HECW1: variants seen among roughly 807,000 people sequenced by gnomAD.
HECW1 encodes E3 ubiquitin-protein ligase HECW1.
In HECW1, 61 loss-of-function variants were observed where a neutral mutation model predicts 182.3. That is an observed-to-expected ratio of 0.33 (90% confidence interval 0.27 to 0.41). HECW1 has a LOEUF of 0.41. Ranked by LOEUF, HECW1 falls within the 10% of genes least tolerant of loss-of-function variation. The pLI, the probability that HECW1 is intolerant of heterozygous loss-of-function variation, is 1.00. For synonymous variants in HECW1, 859 were observed against 832.6 expected (o/e 1.03, Z -0.55); for missense variants, 1,739 against 2,108.9 (o/e 0.82, Z 3.44).
intron 2 of HECW1, among the ~76,000 whole-genome samples, chr7:43,193,539 G>T (rs773702909): frequency 6.6e-6 from 1 of 151,970 alleles, no homozygotes; most frequent in African/African-American, 2.4e-5. Flanking sequence ...CCACCACCAC[G>T]CCCAGCTAAT....
intron 2 of HECW1, among the ~76,000 whole-genome samples, chr7:43,132,681 C>CTTT (rs1787088089): frequency 6.6e-6 from 1 of 152,068 alleles, no homozygotes; most frequent in Non-Finnish European, 1.5e-5. Context: ...CAGTGAGTGC[C>CTTT]TTTTATGTTA....
In HECW1 at chr7:43,114,390, C is replaced by G; in HGVS notation, c.-33C>G. On this transcript the variant is annotated splice_region_variant and 5_prime_UTR_variant, in exon 2 of 30. Coordinates refer to ENST00000395891, the MANE Select transcript of HECW1 (RefSeq NM_015052.5). Reference sequence around the variant, plus strand: ...AGACTCACTCCGGCTGTGGCTATTACGGTAATTCATTCTAGATTGGGGATT... The same window carrying G: ...AGACTCACTCCGGCTGTGGCTATTAGGGTAATTCATTCTAGATTGGGGATT... 1 of 1,344,906 alleles carries G rather than the reference C, an allele frequency of 7.4e-7. No individual in the cohort carries two copies. The highest frequency in any genetic ancestry group is 9.8e-7 in the Non-Finnish European group (1 of 1,022,650). 83.3% of individuals were successfully genotyped at this position (1,344,906 alleles called of 1,614,324 possible). A position where few individuals can be genotyped will look rare whatever the true frequency, so the allele number is the denominator to read the frequency against.
At chr7:43,209,297 C>T (rs1795784857) in intron 2 of HECW1, among the ~76,000 whole-genome samples, 1 of 152,148 alleles carries the variant, frequency 6.6e-6, no homozygotes, top group Non-Finnish European at 1.5e-5. Context: ...CCTGTTGCTC[C>T]TGCTGATCAG....
intron 8 of HECW1, among the ~76,000 whole-genome samples, chr7:43,425,882 C>T (rs775214227): frequency 2.6e-5 from 4 of 152,086 alleles, no homozygotes; most frequent in East Asian, 1.9e-4. Flanking sequence ...CATGAGTTTT[C>T]GTAGGGATAT....
intron 2 of HECW1, among the ~76,000 whole-genome samples, chr7:43,145,226 T>G (rs374478915): frequency 6.6e-6 from 1 of 152,332 alleles, no homozygotes; most frequent in Non-Finnish European, 1.5e-5. Context: ...GTAGTCTGCA[T>G]GGCCCCTTAA....
intron 2 of HECW1, among the ~76,000 whole-genome samples, chr7:43,181,532 A>G (rs1792857937): frequency 6.6e-6 from 1 of 150,886 alleles, no homozygotes; most frequent in African/African-American, 2.5e-5. Flanking sequence ...GATAATAGCC[A>G]TTCTAACTGG....
At chr7:43,138,965 G>T (rs1331750562) in intron 2 of HECW1, among the ~76,000 whole-genome samples, 1 of 152,216 alleles carries the variant, frequency 6.6e-6, no homozygotes, top group Non-Finnish European at 1.5e-5. Flanking sequence ...ATGTGCAGCT[G>T]TGCAGACAGA....
chr7:43,288,338 T>G (rs1804931555), intron 3 of HECW1, among the ~76,000 whole-genome samples: 1 of 152,154 alleles, frequency 6.6e-6, no homozygotes, highest in East Asian at 1.9e-4. Flanking sequence ...AAGGTGGCCA[T>G]GTGTATTTGA....
chr7:43,216,509 A>G (rs1459570354), intron 2 of HECW1, among the ~76,000 whole-genome samples: 1 of 152,152 alleles, frequency 6.6e-6, no homozygotes, highest in Non-Finnish European at 1.5e-5. Context: ...CACCTTAGCC[A>G]TCAGCACCAC....
intron 2 of HECW1, among the ~76,000 whole-genome samples, chr7:43,213,771 A>G (rs1323223443): frequency 6.6e-6 from 1 of 152,120 alleles, no homozygotes; most frequent in South Asian, 2.1e-4. Context: ...ATTAAATTTA[A>G]ATCTTTATAC....
chr7:43,221,804 C>G (rs958501888), intron 2 of HECW1, among the ~76,000 whole-genome samples: 2 of 145,182 alleles, frequency 1.4e-5, no homozygotes, highest in Admixed American at 6.9e-5. Context: ...TTTGGCCTCC[C>G]AAAGTGCTGG....
At chr7:43,285,329 C>T (rs537806808) in intron 3 of HECW1, among the ~76,000 whole-genome samples, 41 of 152,160 alleles carry the variant, frequency 2.7e-4, no homozygotes, top group Non-Finnish European at 4.7e-4. Flanking sequence ...GGCTAGGACC[C>T]AGACATCTGC....
chr7:43,269,734 C>T (rs768954182), intron 3 of HECW1, among the ~76,000 whole-genome samples: 1 of 152,154 alleles, frequency 6.6e-6, no homozygotes, highest in East Asian at 1.9e-4. Flanking sequence ...TGTCTGATAA[C>T]ACACAAGTAG....
intron 5 of HECW1, among the ~76,000 whole-genome samples, chr7:43,340,930 G>C (rs889910313): frequency 3.3e-5 from 5 of 151,778 alleles, no homozygotes; most frequent in South Asian, 2.1e-4. Flanking sequence ...CAATGATAGA[G>C]TGGATTAAGA....
intron 2 of HECW1, among the ~76,000 whole-genome samples, chr7:43,200,618 T>C (rs948171627): frequency 6.6e-6 from 1 of 152,164 alleles, no homozygotes; most frequent in East Asian, 1.9e-4. Context: ...AGCTTTGCCA[T>C]GTTCTCTTGT....
At chr7:43,343,147 G>T (rs904630509) in intron 5 of HECW1, among the ~76,000 whole-genome samples, 1 of 151,846 alleles carries the variant, frequency 6.6e-6, no homozygotes, top group East Asian at 1.9e-4. Context: ...TTATACTCTG[G>T]TTCATAAGAT....
chr7:43,422,684 TTGATGCC>T (rs1203158157), intron 8 of HECW1, among the ~76,000 whole-genome samples: 2 of 152,176 alleles, frequency 1.3e-5, no homozygotes, highest in African/African-American at 4.8e-5. Flanking sequence ...AGGATACTTC[TTGATGCC>T]GAGTGCTTTA....
intron 2 of HECW1, among the ~76,000 whole-genome samples, chr7:43,141,341 C>T (rs1788130102): frequency 1.3e-5 from 2 of 152,204 alleles, no homozygotes; most frequent in South Asian, 4.1e-4. Flanking sequence ...CACAGGCACG[C>T]TGACCCCCTG....
chr7:43,297,672 A>G (rs573161998), intron 3 of HECW1, among the ~76,000 whole-genome samples: 1 of 152,322 alleles, frequency 6.6e-6, no homozygotes, highest in East Asian at 1.9e-4. Flanking sequence ...ATACAGCTGC[A>G]TTGGGTTTGG....
Sources: gnomAD v4.1 joint callset for allele counts (sites outside exome capture counted in the v4.1 genomes callset) on GRCh38, gnomAD v4.1.1 for gene constraint, MANE v1.5 for transcripts, NCBI Gene and HGNC (gene_info 2026-07-23, HGNC 2026-07-21) for gene names.